The following IMPG1 variants were observed in gnomAD, a reference collection of about 807,000 sequenced individuals.
IMPG1 encodes the protein interphotoreceptor matrix proteoglycan of 150 kDa.
A neutral mutation model predicts 92.0 loss-of-function variants in IMPG1; 85 were observed. That is an observed-to-expected ratio of 0.92 (90% CI 0.78 to 1.11). The LOEUF is 1.11. Among genes scored for constraint, IMPG1 ranks in the 50% least tolerant of loss-of-function variants. The pLI, the probability that IMPG1 is intolerant of heterozygous loss-of-function variation, is 0.00. For synonymous variants in IMPG1, 367 were observed against 334.1 expected, an observed-to-expected ratio of 1.10 and a Z score of -1.08; for missense variants, 1,022 against 956.0, an observed-to-expected ratio of 1.07 and a Z score of -0.91.
intron 9 of IMPG1, 54 bp from the exon 10 acceptor site, chr6:76,005,588 C>A: frequency 6.4e-7 from 1 of 1,573,776 alleles, no homozygotes; most frequent in Non-Finnish European, 8.6e-7. Context: ...ACATGCCTTG[C>A]AAAGAGAATC....
At position 76,008,354 on chromosome 6, in the gene IMPG1, T is replaced by G. The variant is rs1783130491; in HGVS notation, c.867-854A>C. Among the ~76,000 whole-genome samples, 3 of 152,234 alleles carry G rather than the reference T, an allele frequency of 2.0e-5. No homozygotes were observed. In the South Asian group the frequency reaches 6.2e-4, roughly 31 times the overall value. On this transcript the variant is annotated intron_variant, in intron 8 of 16. Transcript: ENST00000369950. ...ATGTATGAATTCAGTTTAGTAGCTA[T>G]GTCCAGCTTTCTCCTTTTACATTTC...
intron 14 of IMPG1, among the ~76,000 whole-genome samples, chr6:75,941,666 T>C (rs1458153676): frequency 6.6e-6 from 1 of 152,216 alleles, no homozygotes; most frequent in Non-Finnish European, 1.5e-5. Flanking sequence ...TACAACTCTA[T>C]AAAATTAGAA....
intron 12 of IMPG1, among the ~76,000 whole-genome samples, chr6:75,970,846 C>T (rs1001163914): frequency 6.6e-6 from 1 of 152,176 alleles, no homozygotes; most frequent in Non-Finnish European, 1.5e-5. Context: ...ATAATCGACA[C>T]ATTCTTCTAT....
In IMPG1 at chr6:75,931,101, A is replaced by C; in HGVS notation, c.2095T>G (p.Cys699Gly). Residue 699 changes from cysteine (C) to glycine (G), a missense_variant, in exon 15 of 17, where the codon TGT becomes GGT. Cys to Gly is a radical substitution (Grantham distance 159). Coordinates refer to ENST00000369950, the MANE Select transcript of IMPG1 (RefSeq NM_001563.4). ...KFLACGEFAQ[C>G]VKNERTEEAE... ...TCCTCAGTCCGTTCGTTCTTTACAC[A>C]TTGGGCAAATTCGCCGCAGGCCAGG... The C allele has an allele frequency of 6.2e-7, 1 of 1,614,122 alleles. No individual in the cohort carries two copies. The highest frequency in any genetic ancestry group is 8.5e-7 in the Non-Finnish European group (1 of 1,180,008).
At chr6:76,038,675 C>T (rs1351244662) in intron 2 of IMPG1, among the ~76,000 whole-genome samples, 1 of 152,186 alleles carries the variant, frequency 6.6e-6, no homozygotes, top group Non-Finnish European at 1.5e-5. Context: ...TTTGAACCTG[C>T]TGGGAGGGAC....
chr6:75,973,407 C>A (rs1273953566), intron 12 of IMPG1, among the ~76,000 whole-genome samples: 1 of 152,124 alleles, frequency 6.6e-6, no homozygotes, highest in African/African-American at 2.4e-5. Flanking sequence ...TTTGCTCATT[C>A]ATTCATTCAT....
chr6:75,959,370 C>G (rs1782178098), intron 12 of IMPG1, among the ~76,000 whole-genome samples: 1 of 152,170 alleles, frequency 6.6e-6, no homozygotes, highest in African/African-American at 2.4e-5. Context: ...AAGAGGCAGT[C>G]TGTCCCTTAT....
intron 1 of IMPG1, among the ~76,000 whole-genome samples, chr6:76,053,656 T>A (rs1197925166): frequency 1.3e-5 from 2 of 152,092 alleles, no homozygotes; most frequent in Non-Finnish European, 2.9e-5. Context: ...TGCTACATAT[T>A]TGGGGACAAA....
At chr6:76,006,168 T>C (rs1260354473) in intron 9 of IMPG1, among the ~76,000 whole-genome samples, 2 of 152,090 alleles carry the variant, frequency 1.3e-5, no homozygotes, top group African/African-American at 4.8e-5. Context: ...AAAAAGTTGC[T>C]GGTATTGACC....
intron 8 of IMPG1, among the ~76,000 whole-genome samples, chr6:76,010,341 C>T (rs1159855221): frequency 6.6e-6 from 1 of 152,186 alleles, no homozygotes; most frequent in Non-Finnish European, 1.5e-5. Flanking sequence ...CTGATATTTA[C>T]CCTGTGGCAC....
intron 2 of IMPG1, among the ~76,000 whole-genome samples, chr6:76,039,585 AC>A (rs1156772950): frequency 6.6e-6 from 1 of 152,080 alleles, no homozygotes; most frequent in East Asian, 1.9e-4. Flanking sequence ...TGAACTCCTG[AC>A]CTCAGGTGAT....
chr6:76,045,356 G>A (rs374218597), intron 1 of IMPG1, among the ~76,000 whole-genome samples: 2 of 150,904 alleles, frequency 1.3e-5, no homozygotes, highest in East Asian at 2.0e-4. Flanking sequence ...CTGGTGCAGC[G>A]AACACCAAGC....
chr6:75,992,648 T>C (rs1311297614), intron 12 of IMPG1, among the ~76,000 whole-genome samples: 1 of 152,136 alleles, frequency 6.6e-6, no homozygotes, highest in Non-Finnish European at 1.5e-5. Context: ...CTAAGCCCCA[T>C]TTTCATTACC....
At chr6:75,979,907 A>C (rs1782600287) in intron 12 of IMPG1, among the ~76,000 whole-genome samples, 1 of 152,228 alleles carries the variant, frequency 6.6e-6, no homozygotes, top group East Asian at 1.9e-4. Flanking sequence ...GAAATTAATA[A>C]GGCAAATGGA....
rs9447586 is a variant in IMPG1, at chr6:75,994,772, G to A, written c.1291+8146C>T. Among the ~76,000 whole-genome samples the A allele has an allele frequency of 4.1e-3, 631 of 152,262 alleles. 6 individuals are homozygous for A. Among genetic ancestry groups the A allele is most frequent in the African/African-American group, 0.015 (608 of 41,536 alleles). On this transcript the variant is annotated intron_variant, in intron 12 of 16. Coordinates refer to ENST00000369950, the MANE Select transcript of IMPG1 (RefSeq NM_001563.4). ...GAGCCACAATTCAATATGAGATTTG[G>A]GTGGGGATACAGCAAAACCATATAA...
chr6:76,065,462 A>G (rs1301463349), intron 1 of IMPG1, among the ~76,000 whole-genome samples: 1 of 152,178 alleles, frequency 6.6e-6, no homozygotes, highest in Non-Finnish European at 1.5e-5. Context: ...AGTTTTAACA[A>G]TAGACTAGAC....
intron 4 of IMPG1, among the ~76,000 whole-genome samples, chr6:76,028,324 T>G (rs1330687105): frequency 6.6e-6 from 1 of 152,336 alleles, no homozygotes; most frequent in East Asian, 1.9e-4. Context: ...TACATGATTC[T>G]GTTAACTTTG....
intron 1 of IMPG1, among the ~76,000 whole-genome samples, chr6:76,066,200 C>A (rs940590490): frequency 1.3e-5 from 2 of 151,916 alleles, no homozygotes; most frequent in African/African-American, 4.8e-5. Flanking sequence ...AACAGTATAA[C>A]AGAAAGAAAA....
chr6:75,994,515 G>C (rs1286647543), intron 12 of IMPG1, among the ~76,000 whole-genome samples: 1 of 152,226 alleles, frequency 6.6e-6, no homozygotes, highest in Non-Finnish European at 1.5e-5. Flanking sequence ...ATAAAGGAAA[G>C]AGGTTTAATG....
Sources: gnomAD v4.1 joint callset for allele counts (sites outside exome capture counted in the v4.1 genomes callset) on GRCh38, gnomAD v4.1.1 for gene constraint, MANE v1.5 for transcripts, NCBI Gene and HGNC (gene_info 2026-07-23, HGNC 2026-07-21) for gene names.